The following RAI1 variants were observed in gnomAD, a reference collection of about 807,000 sequenced individuals.
The protein encoded by RAI1 is retinoic acid-induced protein 1.
RAI1 carries 9 observed loss-of-function variants against 123.8 expected under a neutral mutation model. That is an observed-to-expected ratio of 0.07 (90% CI 0.04 to 0.13). The LOEUF (loss-of-function observed/expected upper bound fraction) is 0.13. Ranked by LOEUF, RAI1 falls within the 10% of genes least tolerant of loss-of-function variation. The pLI, the probability that RAI1 is intolerant of heterozygous loss-of-function variation, is 1.00. For synonymous variants in RAI1, 1,231 were observed against 1,127.3 expected (o/e 1.09, Z -1.84); for missense variants, 2,256 against 2,545.8 (o/e 0.89, Z 2.45).
intron 1 of RAI1, among the ~76,000 whole-genome samples, chr17:17,693,168 C>T (rs1026903999): frequency 6.6e-6 from 1 of 152,218 alleles, no homozygotes; most frequent in African/African-American, 2.4e-5. Context: ...CACCATGTGA[C>T]GCCCCCGTGC....
intron 1 of RAI1, among the ~76,000 whole-genome samples, chr17:17,705,597 A>G (rs1011619453): frequency 9.9e-5 from 15 of 152,148 alleles, no homozygotes; most frequent in Non-Finnish European, 2.2e-4. Flanking sequence ...GTGGTAGCAC[A>G]CACTTGCAGT....
chr17:17,726,928 A>G (rs991735850), intron 2 of RAI1, among the ~76,000 whole-genome samples: 1 of 152,256 alleles, frequency 6.6e-6, no homozygotes, highest in South Asian at 2.1e-4. Flanking sequence ...TTTGTAACCA[A>G]TGCTTCATAA....
chr17:17,810,638 G>C lies in RAI1; in HGVS notation c.*657G>C, dbSNP rs2032725428. On this transcript the variant is annotated 3_prime_UTR_variant, in exon 6 of 6. Coordinates refer to ENST00000353383, the MANE Select transcript of RAI1 (RefSeq NM_030665.4). The surrounding 1 kb of genome is among the most constrained non-coding windows in gnomAD (Gnocchi z 4.6). ...TCTCTCGTGCGGTTCGGGCAAAGCCGGGGTAGACCTGGGCTATGCTCAGTT... is the reference window on the plus strand; with the variant it reads ...TCTCTCGTGCGGTTCGGGCAAAGCCCGGGTAGACCTGGGCTATGCTCAGTT... The C allele has an allele frequency of 3.0e-6, 1 of 333,312 alleles. No individual in the cohort carries two copies. The highest frequency in any genetic ancestry group is 4.0e-5 in the Admixed American group (1 of 25,058). The allele number at this position is 333,312 out of a possible 1,614,324, so 20.6% of individuals were successfully genotyped here.
At position 17,731,430 on chromosome 17, in the gene RAI1, C is replaced by T. The variant is rs189004384; in HGVS notation, c.-17+7271C>T. On this transcript the variant is annotated intron_variant, in intron 2 of 5. Transcript: ENST00000353383. ...GCCAGAGGCCTGGGGGTGTGGGTGG[C>T]GAGCAGGTGGGATTGGGGAGGTGGA... is the stretch of plus-strand genomic sequence containing the variant. Among the ~76,000 whole-genome samples the T allele has an allele frequency of 2.6e-3, 395 of 152,156 alleles. 2 individuals carry two copies. The highest frequency in any genetic ancestry group is 4.5e-3 in the Non-Finnish European group (309 of 67,996).
At chr17:17,790,149 G>C (rs1189805479) in intron 2 of RAI1, among the ~76,000 whole-genome samples, 1 of 152,024 alleles carries the variant, frequency 6.6e-6, no homozygotes, top group Non-Finnish European at 1.5e-5. Context: ...CTCTTGAAAA[G>C]TAATCATAAT....
In RAI1 at chr17:17,809,912, G is replaced by T; in HGVS notation, c.5710-58G>T. On this transcript the variant is annotated intron_variant, in intron 5 of 5. Coordinates refer to ENST00000353383, the MANE Select transcript of RAI1 (RefSeq NM_030665.4). The surrounding 1 kb of genome is among the most constrained non-coding windows in gnomAD (Gnocchi z 4.9). ...GCGGGGGGCCCACACTGGGGGCGGG[G>T]CCTATGGACTGTGAAGTCCGAGGTC... 1 of 1,552,716 alleles carries T rather than the reference G, an allele frequency of 6.4e-7. No homozygotes were observed. The highest frequency in any genetic ancestry group is 8.7e-7 in the Non-Finnish European group (1 of 1,149,212).
rs1490451288 is a variant in RAI1 at position 17,793,613 on chromosome 17, A to C, written c.665A>C (p.Tyr222Ser). Residue 222 changes from tyrosine to serine, a missense_variant, in exon 3 of 6, where the codon TAC (tyrosine) becomes TCC (serine). Around this residue, in one of 7 missense-constraint regions of RAI1, gnomAD observed 336 missense variants for 349.8 expected, o/e 0.96. Coordinates refer to ENST00000353383, the MANE Select transcript of RAI1 (RefSeq NM_030665.4). ...CAGTCCTTCCCCACCTCCTCCACCT[A>C]CTCCTCCTCTGTCCAGGGTGGTGGG... ...HSQSFPTSST[Y>S]SSSVQGGGQG... 1 of 1,610,740 alleles carries C rather than the reference A, an allele frequency of 6.2e-7. No homozygotes were observed. The highest frequency in any genetic ancestry group is 8.5e-7 in the Non-Finnish European group (1 of 1,179,234).
chr17:17,807,022 G>A (rs948363040), intron 4 of RAI1, among the ~76,000 whole-genome samples: 5 of 151,396 alleles, frequency 3.3e-5, no homozygotes, highest in Admixed American at 6.6e-5. Context: ...ATCGAGTCTC[G>A]CCCACCATCA....
chr17:17,727,561 C>T (rs1916136239), intron 2 of RAI1, among the ~76,000 whole-genome samples: 1 of 152,202 alleles, frequency 6.6e-6, no homozygotes, highest in Non-Finnish European at 1.5e-5. Context: ...TCCCTGTTGC[C>T]CGCCCCACCT....
At chr17:17,694,769 G>A (rs917777090) in intron 1 of RAI1, among the ~76,000 whole-genome samples, 1 of 149,780 alleles carries the variant, frequency 6.7e-6, no homozygotes, top group African/African-American at 2.4e-5. Flanking sequence ...GGCGAGGCGG[G>A]GCGGGCCGCT....
At chr17:17,697,504 G>A (rs1915078623) in intron 1 of RAI1, among the ~76,000 whole-genome samples, 1 of 152,262 alleles carries the variant, frequency 6.6e-6, no homozygotes, top group African/African-American at 2.4e-5. Flanking sequence ...TTTAAGACCT[G>A]TTTCACTTTA....
chr17:17,688,523 C>T (rs994850615), intron 1 of RAI1, among the ~76,000 whole-genome samples: 2 of 152,022 alleles, frequency 1.3e-5, no homozygotes, highest in Non-Finnish European at 2.9e-5. Flanking sequence ...TAGTAACAGG[C>T]CCCTCCTGGT....
At chr17:17,758,565 C>T (rs1381270427) in intron 2 of RAI1, among the ~76,000 whole-genome samples, 1 of 152,244 alleles carries the variant, frequency 6.6e-6, no homozygotes, top group Non-Finnish European at 1.5e-5. Context: ...GACTCACCCA[C>T]CTGTCAGCTA....
chr17:17,719,555 G>A (rs1299266284), intron 1 of RAI1, among the ~76,000 whole-genome samples: 4 of 152,148 alleles, frequency 2.6e-5, no homozygotes, highest in South Asian at 2.1e-4. Flanking sequence ...CTCCCAGCCC[G>A]CTTCCTTGGC....
At chr17:17,688,584 G>C (rs1255068961) in intron 1 of RAI1, among the ~76,000 whole-genome samples, 3 of 152,120 alleles carry the variant, frequency 2.0e-5, no homozygotes, top group Non-Finnish European at 4.4e-5. Context: ...CTGTTAGGCA[G>C]TTGTTTTTTG....
intron 2 of RAI1, among the ~76,000 whole-genome samples, chr17:17,782,679 G>A (rs1368453740): frequency 6.6e-6 from 1 of 150,398 alleles, no homozygotes; most frequent in African/African-American, 2.4e-5. Context: ...AAGGGATAGG[G>A]AGGGAGGGGG....
chr17:17,736,734 G>A (rs1209161468), intron 2 of RAI1, among the ~76,000 whole-genome samples: 1 of 152,202 alleles, frequency 6.6e-6, no homozygotes, highest in African/African-American at 2.4e-5. Context: ...TTCTGGAGAT[G>A]GGAGAGGGCA....
intron 2 of RAI1, among the ~76,000 whole-genome samples, chr17:17,775,657 A>G (rs2031319315): frequency 6.6e-6 from 1 of 152,232 alleles, no homozygotes; most frequent in African/African-American, 2.4e-5. Flanking sequence ...CTAGTCATGA[A>G]GTAAAAGCGG....
chr17:17,746,548 C>T (rs1296228492), intron 2 of RAI1, among the ~76,000 whole-genome samples: 1 of 152,200 alleles, frequency 6.6e-6, no homozygotes, highest in East Asian at 1.9e-4. Flanking sequence ...CGGTCACTGC[C>T]TCCCCCAAGG....
Sources: allele counts gnomAD v4.1 joint callset (sites outside exome capture counted in the v4.1 genomes callset), GRCh38; gene constraint gnomAD v4.1.1; regional missense constraint gnomAD v4.1.1; non-coding constraint Gnocchi (gnomAD v3.1); transcripts MANE v1.5; gene names NCBI Gene and HGNC (gene_info 2026-07-23, HGNC 2026-07-21).